Variants in GALNTL6 observed in about 807,000 individuals in gnomAD.
The protein encoded by GALNTL6 is polypeptide N-acetylgalactosaminyltransferase like 6.
In GALNTL6, 46 loss-of-function variants were observed where a neutral mutation model predicts 73.7. The ratio of observed to expected loss-of-function variants is 0.62; its 90% CI spans 0.49 to 0.80. The LOEUF (loss-of-function observed/expected upper bound fraction) is 0.80, where lower values mean the gene tolerates loss of function less well. Ranked by LOEUF, GALNTL6 falls within the 30% of genes least tolerant of loss-of-function variation. The probability of loss-of-function intolerance (pLI) is 0.00; values close to 1 mark genes in which losing one functional copy is unlikely to be tolerated. For synonymous variants in GALNTL6, 259 were observed against 263.7 expected (o/e 0.98, Z 0.17); for missense variants, 604 against 755.0 (o/e 0.80, Z 2.34).
intron 10 of GALNTL6, among the ~76,000 whole-genome samples, chr4:172,963,518 G>A (rs2126385218): frequency 6.6e-6 from 1 of 152,326 alleles, no homozygotes. Flanking sequence ...CTCTTTCGCA[G>A]AAAGACATAG....
At chr4:171,938,733 TC>T (rs1738429967) in intron 2 of GALNTL6, among the ~76,000 whole-genome samples, 1 of 152,176 alleles carries the variant, frequency 6.6e-6, no homozygotes, top group Non-Finnish European at 1.5e-5. Flanking sequence ...TATTATTAAC[TC>T]CAATCACCGT....
intron 4 of GALNTL6, among the ~76,000 whole-genome samples, chr4:172,344,667 T>C (rs988091017): frequency 6.6e-6 from 1 of 152,206 alleles, no homozygotes; most frequent in African/African-American, 2.4e-5. Context: ...TTCAAGATTC[T>C]TCATGATCTG....
intron 2 of GALNTL6, among the ~76,000 whole-genome samples, chr4:171,929,595 C>T (rs890931164): frequency 2.0e-5 from 3 of 152,196 alleles, no homozygotes; most frequent in Admixed American, 1.3e-4. Context: ...GGCGTGGCCT[C>T]GAGCAGCTAG....
chr4:172,452,789 T>G (rs947772888), intron 5 of GALNTL6, among the ~76,000 whole-genome samples: 1 of 152,246 alleles, frequency 6.6e-6, no homozygotes, highest in Non-Finnish European at 1.5e-5. Context: ...TAAGACCTTA[T>G]ATACGTAAAT....
chr4:172,389,908 G>A (rs1743600370), intron 5 of GALNTL6, among the ~76,000 whole-genome samples: 1 of 151,968 alleles, frequency 6.6e-6, no homozygotes, highest in Admixed American at 6.6e-5. Flanking sequence ...AATAACAGTT[G>A]CTAGTTTTTC....
intron 10 of GALNTL6, among the ~76,000 whole-genome samples, chr4:172,957,791 G>A (rs189830009): frequency 3.5e-4 from 53 of 152,194 alleles, no homozygotes; most frequent in East Asian, 2.9e-3. Flanking sequence ...CAATGAGTTC[G>A]GCTTGCTGAG....
intron 2 of GALNTL6, among the ~76,000 whole-genome samples, chr4:172,043,109 A>C (rs1041586392): frequency 4.0e-5 from 6 of 151,882 alleles, no homozygotes; most frequent in Non-Finnish European, 8.8e-5. Context: ...GGGCTTTGCA[A>C]AGCTTGTTTC....
intron 2 of GALNTL6, among the ~76,000 whole-genome samples, chr4:172,117,806 C>T (rs556068866): frequency 1.8e-4 from 28 of 151,782 alleles, no homozygotes; most frequent in African/African-American, 4.8e-4. Flanking sequence ...TAAAAAGAGA[C>T]GAAATTGTAG....
chr4:172,114,288 G>A (rs775634339), intron 2 of GALNTL6, among the ~76,000 whole-genome samples: 3 of 152,174 alleles, frequency 2.0e-5, no homozygotes, highest in East Asian at 1.9e-4. Context: ...TTACAAAACC[G>A]TAAGTAGTTA....
At chr4:172,250,845 A>G (rs1488348104) in intron 3 of GALNTL6, among the ~76,000 whole-genome samples, 1 of 152,188 alleles carries the variant, frequency 6.6e-6, no homozygotes, top group East Asian at 1.9e-4. Context: ...AAACAGAGCA[A>G]GTTTTATTTT....
chr4:171,820,780 A>G (rs1384395865), intron 2 of GALNTL6, among the ~76,000 whole-genome samples: 2 of 152,200 alleles, frequency 1.3e-5, no homozygotes, highest in East Asian at 1.9e-4. Flanking sequence ...AATTAACACA[A>G]TTGTTCTTGT....
chr4:172,606,687 G>A (rs868786860), intron 5 of GALNTL6, among the ~76,000 whole-genome samples: 2 of 70,278 alleles, frequency 2.8e-5, no homozygotes, highest in Non-Finnish European at 6.9e-5. Context: ...TATATATATA[G>A]TATATATATA....
chr4:172,271,214 C>T (rs999296642), intron 3 of GALNTL6, among the ~76,000 whole-genome samples: 1 of 152,042 alleles, frequency 6.6e-6, no homozygotes. Context: ...GACATATATA[C>T]GTTGCCTCAC....
At chr4:172,249,974 G>A (rs1288106132) in intron 3 of GALNTL6, among the ~76,000 whole-genome samples, 1 of 152,092 alleles carries the variant, frequency 6.6e-6, no homozygotes, top group Non-Finnish European at 1.5e-5. Context: ...TGTGAGAAGA[G>A]GGCCACCATC....
In GALNTL6 at chr4:172,666,373, T is replaced by TA. The variant is rs1434202398; in HGVS notation, c.554-142983dup. On this transcript the variant is annotated intron_variant, in intron 5 of 12. Transcript: ENST00000506823. ...AGAATCAAAATGGAGTCAATTGTGT[T>TA]AAAAACTGGGGAAGATAAATACAGC... is the stretch of plus-strand genomic sequence containing the variant. 2.0e-5 allele frequency among the ~76,000 whole-genome samples: 3 copies of TA among 152,294 alleles called. No homozygotes were observed. The East Asian group carries it at 5.8e-4, about 29-fold the overall frequency.
At chr4:172,154,168 T>G (rs1734184014) in intron 2 of GALNTL6, among the ~76,000 whole-genome samples, 1 of 152,044 alleles carries the variant, frequency 6.6e-6, no homozygotes, top group East Asian at 1.9e-4. Context: ...TTTTTTTTTT[T>G]TTTCGTTTTC....
At chr4:171,962,729 A>G (rs111413283) in intron 2 of GALNTL6, among the ~76,000 whole-genome samples, 147 of 124,910 alleles carry the variant, frequency 1.2e-3, no homozygotes, top group African/African-American at 3.9e-3. Context: ...AGTAGCCATT[A>G]TTTATTCCTT....
At chr4:172,275,815 G>C (rs1738809435) in intron 3 of GALNTL6, among the ~76,000 whole-genome samples, 1 of 152,104 alleles carries the variant, frequency 6.6e-6, no homozygotes, top group African/African-American at 2.4e-5. Flanking sequence ...AAATTAGCCA[G>C]GTGTGGTGGT....
chr4:171,847,630 T>C lies in GALNTL6; in HGVS notation c.138+32912T>C, dbSNP rs569205418. 2.6e-5 allele frequency among the ~76,000 whole-genome samples: 4 copies of C among 152,338 alleles called. No individual in the cohort carries two copies. The South Asian group carries it at 8.3e-4, about 32-fold the overall frequency. On this transcript the variant is annotated intron_variant, in intron 2 of 12. Transcript: ENST00000506823. ...GACACTGCTTTATCAACTAAGTTTA[T>C]GTAATAATCTAAATCCTTTGCTGAT...
Sources: allele counts gnomAD v4.1 joint callset (sites outside exome capture counted in the v4.1 genomes callset), GRCh38; gene constraint gnomAD v4.1.1; transcripts MANE v1.5; gene names NCBI Gene and HGNC (gene_info 2026-07-23, HGNC 2026-07-21).